BARX2: variants seen among roughly 807,000 people sequenced by gnomAD.
The protein encoded by BARX2 is homeobox protein BarH-like 2.
Under a neutral mutation model 25.5 loss-of-function variants are expected in BARX2, and 11 were observed. The ratio of observed to expected loss-of-function variants is 0.43; its 90% CI spans 0.27 to 0.71. The LOEUF is 0.71. Ranked by LOEUF, BARX2 falls within the 30% of genes least tolerant of loss-of-function variation. BARX2 has a pLI of 0.19. For missense variants in BARX2, 360 were observed against 359.9 expected (o/e 1.00, Z 0.00); for synonymous variants, 137 against 149.5 (o/e 0.92, Z 0.61).
chr11:129,403,974 G>T (rs965137211), intron 1 of BARX2, among the ~76,000 whole-genome samples: 4 of 152,182 alleles, frequency 2.6e-5, no homozygotes, highest in Non-Finnish European at 5.9e-5. Context: ...AGAAAGGTCA[G>T]CAGGTATAAG....
intron 1 of BARX2, among the ~76,000 whole-genome samples, chr11:129,406,628 A>G (rs2135395804): frequency 6.6e-6 from 1 of 152,314 alleles, no homozygotes; most frequent in Middle Eastern, 3.4e-3. Flanking sequence ...GCACCTCCCA[A>G]GGCTCTGCTC....
At chr11:129,412,472 T>C (rs1861900226) in intron 1 of BARX2, among the ~76,000 whole-genome samples, 2 of 152,172 alleles carry the variant, frequency 1.3e-5, no homozygotes. Flanking sequence ...GCAACGATTA[T>C]TGAAACAGCA....
At chr11:129,447,851 T>A (rs1226269239) in intron 3 of BARX2, among the ~76,000 whole-genome samples, 1 of 152,204 alleles carries the variant, frequency 6.6e-6, no homozygotes, top group East Asian at 1.9e-4. Flanking sequence ...ACCTCTTTCA[T>A]ACTGAGTGGA....
chr11:129,402,324 C>CA (rs144261896), intron 1 of BARX2, among the ~76,000 whole-genome samples: 30,718 of 145,200 alleles, frequency 0.21, 3,385 homozygotes, highest in East Asian at 0.39. Context: ...TTCCCCATTC[C>CA]AAAAAAAAAA....
intron 1 of BARX2, among the ~76,000 whole-genome samples, chr11:129,396,024 G>C (rs1470899210): frequency 6.6e-6 from 1 of 152,126 alleles, no homozygotes; most frequent in East Asian, 1.9e-4. Flanking sequence ...AAGAAGCTAG[G>C]GGTGTAATAA....
At chr11:129,440,885 A>T (rs1012033735) in intron 2 of BARX2, among the ~76,000 whole-genome samples, 1 of 152,212 alleles carries the variant, frequency 6.6e-6, no homozygotes, top group African/African-American at 2.4e-5. Flanking sequence ...ACAGACGGCA[A>T]TCCTCAGAAA....
At chr11:129,443,727 C>A (rs1862291050) in intron 3 of BARX2, among the ~76,000 whole-genome samples, 1 of 152,282 alleles carries the variant, frequency 6.6e-6, no homozygotes, top group African/African-American at 2.4e-5. Flanking sequence ...ATTTCATTAT[C>A]ATTTATTCTT....
chr11:129,451,432 C>G lies in BARX2; in HGVS notation c.*30C>G. 1 of 1,598,574 alleles carries G rather than the reference C, an allele frequency of 6.3e-7. No individual in the cohort carries two copies. The highest frequency in any genetic ancestry group is 8.6e-7 in the Non-Finnish European group (1 of 1,169,194). On this transcript the variant is annotated 3_prime_UTR_variant, in exon 4 of 4. Transcript: ENST00000281437. ...AAACCCTTTTGAGGGAAGAGGGAGACTGGGGAGAAGGGAAAAGAGAGAAGG... is the reference window on the plus strand; with the variant it reads ...AAACCCTTTTGAGGGAAGAGGGAGAGTGGGGAGAAGGGAAAAGAGAGAAGG...
At chr11:129,398,728 A>G (rs1861746947) in intron 1 of BARX2, among the ~76,000 whole-genome samples, 3 of 152,226 alleles carry the variant, frequency 2.0e-5, no homozygotes, top group Non-Finnish European at 2.9e-5. Flanking sequence ...TAGGTTTATC[A>G]AAATTCTGCA....
intron 1 of BARX2, among the ~76,000 whole-genome samples, chr11:129,421,082 A>G (rs1861999299): frequency 6.6e-6 from 1 of 152,302 alleles, no homozygotes; most frequent in Non-Finnish European, 1.5e-5. Context: ...GTGCAAGGGA[A>G]GAGAAAGGCC....
At chr11:129,435,915 G>A (rs1402634796) in intron 1 of BARX2, among the ~76,000 whole-genome samples, 3 of 152,146 alleles carry the variant, frequency 2.0e-5, no homozygotes, top group Non-Finnish European at 2.9e-5. Flanking sequence ...ACCCTGCCCC[G>A]GCCACATGCC....
intron 3 of BARX2, among the ~76,000 whole-genome samples, chr11:129,448,945 TTA>T (rs1437073723): frequency 6.6e-6 from 1 of 152,240 alleles, no homozygotes; most frequent in Non-Finnish European, 1.5e-5. Context: ...AGTGCACATA[TTA>T]TATGATTCTG....
intron 3 of BARX2, among the ~76,000 whole-genome samples, chr11:129,450,312 T>C (rs1019747685): frequency 1.3e-5 from 2 of 152,204 alleles, no homozygotes; most frequent in South Asian, 4.1e-4. Flanking sequence ...TTAGAAAATA[T>C]AGAAAAAACA....
chr11:129,411,110 G>A (rs1367429628), intron 1 of BARX2, among the ~76,000 whole-genome samples: 3 of 152,162 alleles, frequency 2.0e-5, no homozygotes, highest in South Asian at 4.1e-4. Context: ...AGTGGCTCAC[G>A]CCTGTAATCC....
chr11:129,445,178 G>A (rs1037534179), intron 3 of BARX2, among the ~76,000 whole-genome samples: 8 of 152,246 alleles, frequency 5.3e-5, no homozygotes, highest in Admixed American at 4.6e-4. Context: ...AGAAGCACCC[G>A]GCCGTGTTCC....
At chr11:129,379,001 C>T (rs1861534335) in intron 1 of BARX2, among the ~76,000 whole-genome samples, 1 of 152,178 alleles carries the variant, frequency 6.6e-6, no homozygotes, top group Admixed American at 6.5e-5. Context: ...AATCACCTGA[C>T]AGGAATTTAT....
chr11:129,430,907 G>T (rs559159903), intron 1 of BARX2, among the ~76,000 whole-genome samples: 1 of 152,270 alleles, frequency 6.6e-6, no homozygotes, highest in South Asian at 2.1e-4. Context: ...TGTCGCCCAG[G>T]CTGGAGTGCA....
chr11:129,450,082 T>C (rs1862378186), intron 3 of BARX2, among the ~76,000 whole-genome samples: 4 of 152,096 alleles, frequency 2.6e-5, no homozygotes, highest in Non-Finnish European at 4.4e-5. Context: ...TTATTCCCAT[T>C]TTACAGATTA....
chr11:129,445,462 C>T (rs1250868526), intron 3 of BARX2, among the ~76,000 whole-genome samples: 9 of 152,194 alleles, frequency 5.9e-5, no homozygotes, highest in South Asian at 2.1e-4. Flanking sequence ...CCAGCAACAG[C>T]GTTGCTGGCA....
Sources: gnomAD v4.1 joint callset for allele counts (sites outside exome capture counted in the v4.1 genomes callset) on GRCh38, gnomAD v4.1.1 for gene constraint, MANE v1.5 for transcripts, NCBI Gene and HGNC (gene_info 2026-07-23, HGNC 2026-07-21) for gene names.